The following AR variants were observed in gnomAD, a reference collection of about 807,000 sequenced individuals.
AR encodes the protein dihydrotestosterone receptor.
A neutral mutation model predicts 53.9 loss-of-function variants in AR; 8 were observed. The ratio of observed to expected loss-of-function variants is 0.15; its 90% CI spans 0.09 to 0.27. The LOEUF is 0.27. Ranked by LOEUF, AR falls within the 10% of genes least tolerant of loss-of-function variation. The pLI is 1.00. For synonymous variants in AR, 359 were observed against 316.4 expected, an observed-to-expected ratio of 1.13 and a Z score of -1.43; for missense variants, 639 against 742.5, an observed-to-expected ratio of 0.86 and a Z score of 1.62.
intron 2 of AR, among the ~76,000 whole-genome samples, chrX:67,652,601 C>G (rs930592655): frequency 8.9e-6 from 1 of 111,748 alleles, no homozygotes; most frequent in African/African-American, 3.3e-5. Context: ...TTCTAGTTTT[C>G]TGTCTGAGAG....
chrX:67,631,672 G>A (rs753423029), intron 1 of AR, among the ~76,000 whole-genome samples: 31 of 112,516 alleles, frequency 2.8e-4, no homozygotes, highest in African/African-American at 8.7e-4. Context: ...GCTTTGTTCC[G>A]TTGCTGGTGA....
chrX:67,663,191 C>T (rs1215400366), intron 2 of AR, among the ~76,000 whole-genome samples: 2 of 111,325 alleles, frequency 1.8e-5, no homozygotes, highest in Non-Finnish European at 3.8e-5. Flanking sequence ...TTATTTTGCT[C>T]GTTAGTTGAT....
At position 67,631,358 on chromosome X, in the gene AR, T is replaced by C. The variant is rs977747012; in HGVS notation, c.1617-11898T>C. On this transcript the variant is annotated intron_variant, in intron 1 of 7. Coordinates refer to ENST00000374690, the MANE Select transcript of AR (RefSeq NM_000044.6). Reference sequence around the variant, plus strand: ...TCGTTTCTTTTTATTCTTTTTTCTCTAAAGTTCCCTTCTCACTTCATTTCA... The same window carrying C: ...TCGTTTCTTTTTATTCTTTTTTCTCCAAAGTTCCCTTCTCACTTCATTTCA... Among the ~76,000 whole-genome samples, 6 of 111,764 alleles carry C rather than the reference T, an allele frequency of 5.4e-5. No individual in the cohort carries two copies. In the South Asian group the frequency reaches 2.3e-3, roughly 42 times the overall value.
intron 2 of AR, among the ~76,000 whole-genome samples, chrX:67,655,963 G>A (rs1003791299): frequency 8.9e-6 from 1 of 111,860 alleles, no homozygotes; most frequent in African/African-American, 3.2e-5. Flanking sequence ...CTATTTATAC[G>A]GATAATTTGA....
chrX:67,586,006 C>G (rs1434417131), intron 1 of AR, among the ~76,000 whole-genome samples: 4 of 111,734 alleles, frequency 3.6e-5, no homozygotes, highest in Non-Finnish European at 7.5e-5. Context: ...TCTGCTGTTC[C>G]TGCTATGGCT....
chrX:67,628,413 T>C (rs1218658008), intron 1 of AR, among the ~76,000 whole-genome samples: 2 of 103,473 alleles, frequency 1.9e-5, no homozygotes, highest in East Asian at 6.2e-4. Context: ...TGAATGGGAG[T>C]TCACTCATGA....
At chrX:67,709,297 G>A (rs2076083257) in intron 3 of AR, among the ~76,000 whole-genome samples, 1 of 112,268 alleles carries the variant, frequency 8.9e-6, no homozygotes, top group Non-Finnish European at 1.9e-5. Context: ...CCCAGTTCGA[G>A]CTTCCCAGCT....
chrX:67,703,123 T>G (rs1396884016), intron 3 of AR, among the ~76,000 whole-genome samples: 2 of 111,936 alleles, frequency 1.8e-5, no homozygotes, highest in African/African-American at 6.5e-5. Flanking sequence ...AGGTTGTATC[T>G]TTTTTCACAG....
chrX:67,603,167 A>G (rs943066209), intron 1 of AR, among the ~76,000 whole-genome samples: 2 of 111,895 alleles, frequency 1.8e-5, no homozygotes, highest in East Asian at 5.6e-4. Flanking sequence ...CAGAGGTCAT[A>G]TGCCTGTTAT....
chrX:67,545,328 A>T lies in AR; in HGVS notation c.182A>T (p.Gln61Leu), dbSNP rs62636528. ...AGTTTGCTGCTGCTGCAGCAGCAGC[A>T]GCAGCAGCAGCAGCAGCAGCAGCAG... The part of the protein sequence containing the change: ...GASLLLLQQQ[Q>L]QQQQQQQQQQ... Residue 61 changes from glutamine (Q) to leucine (L), a missense_variant, in exon 1 of 8, where the codon CAG becomes CTG. By Grantham distance (113) the Gln-to-Leu change is moderately radical. Coordinates refer to ENST00000374690, the MANE Select transcript of AR (RefSeq NM_000044.6). 24 of 896,675 alleles carry T rather than the reference A, an allele frequency of 2.7e-5. No homozygotes were observed. The highest frequency in any genetic ancestry group is 1.3e-4 in the African/African-American group (3 of 22,932). The allele number at this position is 896,675 out of a possible 1,213,427, so 73.9% of individuals were successfully genotyped here.
rs776903759 is a variant in AR, at chrX:67,546,101, G to C, written c.955G>C (p.Gly319Arg). The C allele has an allele frequency of 9.1e-6, 11 of 1,212,302 alleles. No homozygotes were observed. In the South Asian group the frequency reaches 1.8e-4, roughly 19 times the overall value. The change falls in exon 1 of 8, where the codon GGG becomes CGG. Residue 319 changes from glycine to arginine, a missense_variant. Physicochemically the swap from Gly to Arg is moderately radical, Grantham distance 125. Coordinates refer to ENST00000374690, the MANE Select transcript of AR (RefSeq NM_000044.6). ...CCCTTTCAAGGGAGGTTACACCAAA[G>C]GGCTAGAAGGCGAGAGCCTAGGCTG... ...YSPFKGGYTK[G>R]LEGESLGCSG... is the part of the protein sequence containing the mutation.
chrX:67,707,260 A>G (rs1476806847), intron 3 of AR, among the ~76,000 whole-genome samples: 1 of 111,527 alleles, frequency 9.0e-6, no homozygotes, highest in African/African-American at 3.3e-5. Flanking sequence ...TCCCTTGATT[A>G]TTGTGTGGGA....
intron 1 of AR, among the ~76,000 whole-genome samples, chrX:67,610,535 G>A (rs1435404436): frequency 9.0e-6 from 1 of 110,908 alleles, no homozygotes; most frequent in Admixed American, 9.6e-5. Flanking sequence ...TTTGGTTCCT[G>A]AGATTTTCTA....
intron 3 of AR, 59 bp downstream of exon 3, chrX:67,686,185 C>T (rs1374606041): frequency 9.1e-7 from 1 of 1,103,732 alleles, no homozygotes; most frequent in African/African-American, 1.8e-5. Flanking sequence ...CCCTCATTTT[C>T]TAGTCTCTCT....
At chrX:67,602,860 A>T (rs1806534635) in intron 1 of AR, among the ~76,000 whole-genome samples, 1 of 111,828 alleles carries the variant, frequency 8.9e-6, no homozygotes, top group Non-Finnish European at 1.9e-5. Flanking sequence ...TTTTGTGATA[A>T]TTTGTTATGC....
intron 1 of AR, among the ~76,000 whole-genome samples, chrX:67,609,760 G>T (rs925281598): frequency 2.7e-5 from 3 of 110,954 alleles, no homozygotes; most frequent in Non-Finnish European, 5.7e-5. Context: ...CTAAAAATAT[G>T]TTTTTTCCAC....
At chrX:67,686,830 C>T (rs1299037994) in intron 3 of AR, among the ~76,000 whole-genome samples, 3 of 111,331 alleles carry the variant, frequency 2.7e-5, no homozygotes, top group Non-Finnish European at 5.7e-5. Context: ...ATAAGGCTCT[C>T]TGTCCCACAA....
At chrX:67,635,175 G>C (rs991144069) in intron 1 of AR, among the ~76,000 whole-genome samples, 4 of 111,195 alleles carry the variant, frequency 3.6e-5, no homozygotes, top group African/African-American at 1.3e-4. Context: ...AGGCAACCAA[G>C]ACTTACAATG....
At chrX:67,721,984 G>GTGCCTAGTAAGTGCCTAGTAAGTGCCTA (rs1374021324) in intron 6 of AR, 21 bp downstream of exon 6, 1 of 1,207,658 alleles carries the variant, frequency 8.3e-7, no homozygotes, top group African/African-American at 1.8e-5. Context: ...AGAAGTGCAG[G>GTGCCTAGTAAGTGCCTAGTAAGTGCCTA]GAATGCCCCC....
Sources: allele counts gnomAD v4.1 joint callset (sites outside exome capture counted in the v4.1 genomes callset), GRCh38; gene constraint gnomAD v4.1.1; transcripts MANE v1.5; gene names NCBI Gene and HGNC (gene_info 2026-07-23, HGNC 2026-07-21).